Variants in OTOGL observed in about 807,000 individuals in gnomAD.
OTOGL encodes otogelin-like protein.
OTOGL carries 285 observed loss-of-function variants against 318.5 expected under a neutral mutation model. The observed-to-expected ratio is 0.89, with a 90% CI of 0.81 to 0.99. The LOEUF is 0.99. OTOGL is among the 50% of genes least tolerant of loss of function. The pLI is 0.00. For missense variants in OTOGL, 2,899 were observed against 2,845.6 expected, an observed-to-expected ratio of 1.02 and a Z score of -0.43; for synonymous variants, 987 against 936.5, an observed-to-expected ratio of 1.05 and a Z score of -0.99.
At chr12:80,279,203 T>C (rs1884034995) in intron 26 of OTOGL, 37 bp downstream of exon 26, 1 of 1,548,538 alleles carries the variant, frequency 6.5e-7, no homozygotes, top group African/African-American at 1.4e-5. Context: ...TGCATTCGTG[T>C]AAAGATTTAA....
chr12:80,330,680 A>G (rs1476698131), intron 37 of OTOGL, among the ~76,000 whole-genome samples: 1 of 152,218 alleles, frequency 6.6e-6, no homozygotes, highest in Non-Finnish European at 1.5e-5. Flanking sequence ...AAAGATAAAA[A>G]AATAAAGCTA....
At chr12:80,322,783 A>G (rs1206840865) in intron 34 of OTOGL, among the ~76,000 whole-genome samples, 1 of 152,156 alleles carries the variant, frequency 6.6e-6, no homozygotes, top group East Asian at 1.9e-4. Context: ...CCGCCCATAT[A>G]TTTTGTTGTA....
In OTOGL at chr12:80,255,049, C is replaced by A; in HGVS notation, c.1451C>A (p.Ser484Ter). The A allele has an allele frequency of 6.8e-7, 1 of 1,461,666 alleles. No individual in the cohort carries two copies. 90.5% of individuals were successfully genotyped at this position (1,461,666 alleles called of 1,614,324 possible). A position where few individuals can be genotyped will look rare whatever the true frequency, so the allele number is the denominator to read the frequency against. Residue 484 changes from serine to a stop codon, truncating the protein, a stop_gained, in exon 16 of 59, where the codon TCA becomes TAA. Transcript: ENST00000547103. LOFTEE classifies it high-confidence loss of function. ...CTEQDCPVQC[S>*]VVGDSHFTTF... is the part of the protein sequence containing the mutation. ...TTTTTTTTTTTGGCAGTTCAATGCTCAGTTGTAGGTGATTCTCACTTTACA... is the reference window on the plus strand; with the variant it reads ...TTTTTTTTTTTGGCAGTTCAATGCTAAGTTGTAGGTGATTCTCACTTTACA...
intron 33 of OTOGL, 73 bp downstream of exon 33, chr12:80,318,786 T>G: frequency 9.6e-7 from 1 of 1,039,724 alleles, no homozygotes; most frequent in Non-Finnish European, 1.2e-6. Context: ...TAAATATTAA[T>G]TGAGAATCTA....
chr12:80,144,342 G>C (rs1032091430), intron 1 of OTOGL, among the ~76,000 whole-genome samples: 1 of 151,546 alleles, frequency 6.6e-6, no homozygotes, highest in African/African-American at 2.4e-5. Flanking sequence ...TACTGAGAAT[G>C]ATGATTTCCA....
intron 46 of OTOGL, among the ~76,000 whole-genome samples, chr12:80,354,067 G>A (rs912866815): frequency 6.6e-6 from 1 of 152,168 alleles, no homozygotes; most frequent in Non-Finnish European, 1.5e-5. Flanking sequence ...GCTGGGAGGT[G>A]TGGCCTAGTG....
intron 1 of OTOGL, among the ~76,000 whole-genome samples, chr12:80,174,269 A>G (rs974521734): frequency 6.6e-6 from 1 of 152,156 alleles, no homozygotes; most frequent in African/African-American, 2.4e-5. Context: ...GGTTAGTCTA[A>G]ATTACAGGAA....
intron 26 of OTOGL, among the ~76,000 whole-genome samples, chr12:80,287,825 C>A (rs1884749728): frequency 6.6e-6 from 1 of 152,098 alleles, no homozygotes; most frequent in Non-Finnish European, 1.5e-5. Flanking sequence ...GAATATAGCA[C>A]AGCAATGGGT....
At chr12:80,301,282 C>A (rs1466208463) in intron 27 of OTOGL, among the ~76,000 whole-genome samples, 1 of 152,084 alleles carries the variant, frequency 6.6e-6, no homozygotes, top group East Asian at 1.9e-4. Context: ...ATGTGTTGCC[C>A]TTGCTTATAA....
chr12:80,205,385 A>G (rs547085833), intron 1 of OTOGL, among the ~76,000 whole-genome samples: 1 of 152,328 alleles, frequency 6.6e-6, no homozygotes, highest in African/African-American at 2.4e-5. Flanking sequence ...TCGCTATAAA[A>G]CATAACACAT....
chr12:80,271,837 C>T, intron 24 of OTOGL, 27 bp downstream of exon 24: 1 of 1,585,004 alleles, frequency 6.3e-7, no homozygotes. Context: ...TAATACAGAA[C>T]ATTCAGGATT....
At chr12:80,147,937 G>A (rs1872515198) in intron 1 of OTOGL, among the ~76,000 whole-genome samples, 1 of 151,866 alleles carries the variant, frequency 6.6e-6, no homozygotes, top group Non-Finnish European at 1.5e-5. Flanking sequence ...TTTATTTTGA[G>A]CCTATGTGTG....
At chr12:80,237,769 G>A (rs572979340) in intron 9 of OTOGL, among the ~76,000 whole-genome samples, 15 of 152,250 alleles carry the variant, frequency 9.9e-5, no homozygotes, top group African/African-American at 2.9e-4. Context: ...TCTTCCCGGC[G>A]TTTGATAGTG....
chr12:80,326,181 C>T (rs979195811), intron 35 of OTOGL, among the ~76,000 whole-genome samples: 17 of 152,064 alleles, frequency 1.1e-4, no homozygotes, highest in Non-Finnish European at 2.1e-4. Flanking sequence ...TCCAAGTCCG[C>T]GACATAACCA....
chr12:80,244,780 C>T (rs1216068037), intron 11 of OTOGL, among the ~76,000 whole-genome samples: 1 of 147,024 alleles, frequency 6.8e-6, no homozygotes, highest in Non-Finnish European at 1.5e-5. Flanking sequence ...TACAGTCCCA[C>T]CAACAGTGTA....
chr12:80,339,298 G>GGTTTTT (rs1183997607), intron 43 of OTOGL, 34 bp downstream of exon 43: 1 of 445,020 alleles, frequency 2.2e-6, no homozygotes, highest in African/African-American at 3.3e-5. Context: ...GATTTCGTCT[G>GGTTTTT]TTTTTTTTTT....
Position 80,222,118 on chromosome 12 carries a change from G to T in OTOGL, c.362G>T (p.Gly121Val). Residue 121 changes from glycine to valine, a missense_variant, in exon 7 of 59, where the codon GGG (glycine) becomes GTG (valine). Coordinates refer to ENST00000547103, the MANE Select transcript of OTOGL (RefSeq NM_001378609.3). ...CCAAACATGGGCAACGGCAGAGATG[G>T]GATTTGTAAAACCTGGGGACAGTAT... ...IIPNMGNGRD[G>V]ICKTWGQYHF... The T allele has an allele frequency of 1.3e-6, 2 of 1,598,566 alleles. No homozygotes were observed. The highest frequency in any genetic ancestry group is 1.7e-6 in the Non-Finnish European group (2 of 1,179,166).
In OTOGL at chr12:80,265,144, C is replaced by T; in HGVS notation, c.2158C>T (p.His720Tyr). Reference protein sequence around the residue: ...GSSCLCNALAHYAYLCGQHGV... With the variant: ...GSSCLCNALAYYAYLCGQHGV... ...CTCCTGCCTGTGCAATGCTCTTGCCCACTATGCCTACCTCTGCGGCCAGCA... is the reference window on the plus strand; with the variant it reads ...CTCCTGCCTGTGCAATGCTCTTGCCTACTATGCCTACCTCTGCGGCCAGCA... The change falls in exon 20 of 59, where the codon CAC becomes TAC. Residue 720 changes from histidine to tyrosine, a missense_variant. This residue lies in a region of OTOGL where 2,607 missense variants were observed against 2,524.9 expected (regional missense o/e 1.03). Coordinates refer to ENST00000547103, the MANE Select transcript of OTOGL (RefSeq NM_001378609.3). The T allele has an allele frequency of 6.2e-7, 1 of 1,613,874 alleles. No homozygotes were observed. Among genetic ancestry groups the T allele is most frequent in the Non-Finnish European group, 8.5e-7 (1 of 1,179,862 alleles).
intron 5 of OTOGL, among the ~76,000 whole-genome samples, chr12:80,219,279 T>G (rs1283634519): frequency 6.6e-6 from 1 of 152,208 alleles, no homozygotes; most frequent in Non-Finnish European, 1.5e-5. Context: ...ACCCAGCTAA[T>G]TTTTGTGTTT....
Sources: allele counts gnomAD v4.1 joint callset (sites outside exome capture counted in the v4.1 genomes callset), GRCh38; gene constraint gnomAD v4.1.1; regional missense constraint gnomAD v4.1.1; transcripts MANE v1.5; gene names NCBI Gene and HGNC (gene_info 2026-07-23, HGNC 2026-07-21).